AK4: variants seen among roughly 807,000 people sequenced by gnomAD.
AK4 encodes adenylate kinase 4.
AK4 carries 13 observed loss-of-function variants against 24.6 expected under a neutral mutation model. That is an observed-to-expected ratio of 0.53 (90% CI 0.34 to 0.84). The LOEUF is 0.84. Ranked by LOEUF, AK4 falls within the 40% of genes least tolerant of loss-of-function variation. AK4 has a pLI of 0.01. For missense variants in AK4, 192 were observed against 288.2 expected, an observed-to-expected ratio of 0.67 and a Z score of 2.42; for synonymous variants, 88 against 107.0, an observed-to-expected ratio of 0.82 and a Z score of 1.10.
intron 1 of AK4, among the ~76,000 whole-genome samples, chr1:65,152,653 C>A (rs182113999): frequency 9.0e-4 from 137 of 151,858 alleles, no homozygotes; most frequent in Non-Finnish European, 1.8e-3. Flanking sequence ...CCTGCCTCGG[C>A]CTCCCAAAGT....
At chr1:65,205,328 C>CA (rs1651780808) in intron 2 of AK4, among the ~76,000 whole-genome samples, 3 of 152,168 alleles carry the variant, frequency 2.0e-5, no homozygotes, top group Admixed American at 2.0e-4. Flanking sequence ...GCTGCACTCT[C>CA]AAACTCCTGG....
intron 2 of AK4, among the ~76,000 whole-genome samples, chr1:65,204,760 C>T (rs1301080937): frequency 1.3e-5 from 2 of 152,304 alleles, no homozygotes; most frequent in East Asian, 3.9e-4. Flanking sequence ...TACCCTTCAT[C>T]TCTCCCAGTT....
intron 2 of AK4, among the ~76,000 whole-genome samples, chr1:65,202,959 A>C (rs1651709074): frequency 6.8e-6 from 1 of 146,782 alleles, no homozygotes; most frequent in Non-Finnish European, 1.5e-5. Context: ...GCAGCCTCAA[A>C]CTGGGTTCAA....
chr1:65,183,486 C>T (rs2101029263), intron 1 of AK4, among the ~76,000 whole-genome samples: 1 of 152,254 alleles, frequency 6.6e-6, no homozygotes. Flanking sequence ...TTGGGCAACC[C>T]ACCCAACCTT....
At chr1:65,185,775 C>T (rs1013881470) in intron 1 of AK4, among the ~76,000 whole-genome samples, 19 of 151,880 alleles carry the variant, frequency 1.3e-4, no homozygotes, top group African/African-American at 3.1e-4. Context: ...CCACCACACC[C>T]GGTAAATTTT....
At chr1:65,204,086 C>T (rs1248855599) in intron 2 of AK4, among the ~76,000 whole-genome samples, 1 of 152,064 alleles carries the variant, frequency 6.6e-6, no homozygotes, top group Non-Finnish European at 1.5e-5. Context: ...CAGAAACAAC[C>T]AGGGTGAACA....
At chr1:65,152,084 A>G (rs1174425283) in intron 1 of AK4, among the ~76,000 whole-genome samples, 2 of 152,108 alleles carry the variant, frequency 1.3e-5, no homozygotes. Context: ...GAGTCCTACT[A>G]CAAACTCTGA....
rs1390787368 is a variant in AK4 at position 65,231,187 on chromosome 1, CTG to C, written c.*5013_*5014del. The C allele has an allele frequency of 6.6e-6, 1 of 152,304 alleles. No individual in the cohort carries two copies. The highest frequency in any genetic ancestry group is 1.9e-4 in the East Asian group (1 of 5,176). The allele number at this position is 152,304 out of a possible 1,614,324, so 9.4% of individuals were successfully genotyped here. A position where few individuals can be genotyped will look rare whatever the true frequency, so the allele number is the denominator to read the frequency against. ...CAGAGGTTGAGAAGCCATATTTCAACTGTGAAAAAAATCTGCTTCCTGCATCT... is the reference window on the plus strand; with the variant it reads ...CAGAGGTTGAGAAGCCATATTTCAACTGAAAAAAATCTGCTTCCTGCATCT... On this transcript the variant is annotated 3_prime_UTR_variant, in exon 5 of 5. Coordinates refer to ENST00000327299, the MANE Select transcript of AK4 (RefSeq NM_013410.4).
In AK4 at chr1:65,155,430, G is replaced by A. The variant is rs138047236; in HGVS notation, c.145+6878G>A. Among the ~76,000 whole-genome samples, 256 of 152,094 alleles carry A rather than the reference G, an allele frequency of 1.7e-3. 8 individuals are homozygous for A. The East Asian group carries it at 0.036, about 21-fold the overall frequency. ...AGAGGTTGCAGTGAGCTGAGATTGC[G>A]CCACTGTACTCCATCCTGGACGGCA... On this transcript the variant is annotated intron_variant, in intron 1 of 4. Transcript: ENST00000327299.
At position 65,229,547 on chromosome 1, in the gene AK4, A is replaced by G. The variant is rs1652572973; in HGVS notation, c.*3370A>G. 1 of 151,856 alleles carries G rather than the reference A, an allele frequency of 6.6e-6. No individual in the cohort carries two copies. The highest frequency in any genetic ancestry group is 2.4e-5 in the African/African-American group (1 of 41,380). The allele number at this position is 151,856 out of a possible 1,614,324, so 9.4% of individuals were successfully genotyped here. A position where few individuals can be genotyped will look rare whatever the true frequency, so the allele number is the denominator to read the frequency against. On this transcript the variant is annotated 3_prime_UTR_variant, in exon 5 of 5. Transcript: ENST00000327299. ...AGACCCTCTCTCTTAAAAAAAAAAA[A>G]TAGCAGAGCTCACCAAAGTGATGTT...
intron 4 of AK4, 116 bp downstream of exon 4, chr1:65,224,986 C>T (rs1275931090): frequency 3.5e-5 from 24 of 686,536 alleles, no homozygotes; most frequent in Non-Finnish European, 4.9e-5. Flanking sequence ...TAAACACTAG[C>T]GATCCAAAAC....
chr1:65,163,466 T>A (rs1339170062), intron 1 of AK4, among the ~76,000 whole-genome samples: 1 of 152,160 alleles, frequency 6.6e-6, no homozygotes, highest in East Asian at 1.9e-4. Flanking sequence ...CAGCTCGGCA[T>A]TTGCCTTATT....
intron 1 of AK4, among the ~76,000 whole-genome samples, chr1:65,168,095 G>C (rs780873289): frequency 1.1e-4 from 16 of 151,136 alleles, no homozygotes; most frequent in Admixed American, 2.0e-4. Context: ...ACTAACAACT[G>C]GTTAAGTGTG....
intron 1 of AK4, among the ~76,000 whole-genome samples, chr1:65,168,592 T>G (rs1175516066): frequency 6.6e-6 from 1 of 152,210 alleles, no homozygotes; most frequent in Non-Finnish European, 1.5e-5. Flanking sequence ...ACATCTGGCC[T>G]GCTCTCCATA....
Position 65,212,138 on chromosome 1 carries a change from T to C in AK4, c.266-6616T>C, listed in dbSNP as rs543000766. Among the ~76,000 whole-genome samples the C allele has an allele frequency of 4.6e-5, 7 of 152,290 alleles. No individual in the cohort carries two copies. The East Asian group carries it at 1.2e-3, about 25-fold the overall frequency. ...GTGGCAGGACAGGGGCCCAGATGGG[T>C]AGGCCTTTGCAAGCCTGTACAATTT... On this transcript the variant is annotated intron_variant, in intron 2 of 4. Coordinates refer to ENST00000327299, the MANE Select transcript of AK4 (RefSeq NM_013410.4).
intron 2 of AK4, among the ~76,000 whole-genome samples, chr1:65,211,824 A>G (rs12091953): frequency 0.039 from 5,913 of 152,340 alleles, 181 homozygotes; most frequent in African/African-American, 0.091. Flanking sequence ...AAGGTAAATC[A>G]TATATGGCAA....
intron 1 of AK4, among the ~76,000 whole-genome samples, chr1:65,181,453 A>G (rs975396564): frequency 2.6e-5 from 4 of 151,502 alleles, no homozygotes; most frequent in South Asian, 2.1e-4. Flanking sequence ...CTGGAATGCA[A>G]TGGCGCTATC....
At chr1:65,220,886 A>G (rs1652275635) in intron 3 of AK4, among the ~76,000 whole-genome samples, 1 of 152,164 alleles carries the variant, frequency 6.6e-6, no homozygotes, top group African/African-American at 2.4e-5. Flanking sequence ...TGTGTGATCT[A>G]TAGCTTTATA....
Position 65,190,801 on chromosome 1 carries a change from C to G in AK4, c.237C>G (p.Asn79Lys). Residue 79 changes from asparagine to lysine, a missense_variant, in exon 2 of 5, where the codon AAC (asparagine) becomes AAG (lysine). Coordinates refer to ENST00000327299, the MANE Select transcript of AK4 (RefSeq NM_013410.4). ...ITRLMMSELE[N>K]RRGQHWLLDG... Reference sequence around the variant, plus strand: ...GCCTAATGATGTCCGAGTTGGAGAACAGGCGTGGCCAGCACTGGCTCCTTG... The same window carrying G: ...GCCTAATGATGTCCGAGTTGGAGAAGAGGCGTGGCCAGCACTGGCTCCTTG... 6.2e-7 allele frequency: 1 copy of G among 1,614,068 alleles called. No homozygotes were observed. Among genetic ancestry groups the G allele is most frequent in the Non-Finnish European group, 8.5e-7 (1 of 1,179,990 alleles).
Sources: allele counts gnomAD v4.1 joint callset (sites outside exome capture counted in the v4.1 genomes callset), GRCh38; gene constraint gnomAD v4.1.1; transcripts MANE v1.5; gene names NCBI Gene and HGNC (gene_info 2026-07-23, HGNC 2026-07-21).